Variants in ZNF385D observed in about 807,000 individuals in gnomAD.
The protein encoded by ZNF385D is zinc finger protein 659.
A neutral mutation model predicts 35.8 loss-of-function variants in ZNF385D; 15 were observed. The ratio of observed to expected loss-of-function variants is 0.42; its 90% CI spans 0.28 to 0.64. ZNF385D has a LOEUF of 0.64. Ranked by LOEUF, ZNF385D falls within the 30% of genes least tolerant of loss-of-function variation. The pLI is 0.23. For missense variants in ZNF385D, 474 were observed against 494.6 expected (o/e 0.96, Z 0.39); for synonymous variants, 212 against 186.8 (o/e 1.13, Z -1.10).
intron 2 of ZNF385D, among the ~76,000 whole-genome samples, chr3:21,649,183 A>G (rs1234999656): frequency 6.6e-6 from 1 of 152,158 alleles, no homozygotes; most frequent in Non-Finnish European, 1.5e-5. Flanking sequence ...TACTATAACA[A>G]TAATATGAAT....
intron 2 of ZNF385D, among the ~76,000 whole-genome samples, chr3:22,290,293 TGCTCTCCTC>T (rs1287377073): frequency 6.6e-6 from 1 of 152,152 alleles, no homozygotes; most frequent in Non-Finnish European, 1.5e-5. Flanking sequence ...TCAATATGAA[TGCTCTCCTC>T]AGACCACACC....
intron 2 of ZNF385D, among the ~76,000 whole-genome samples, chr3:22,282,742 G>T (rs1701829004): frequency 6.6e-6 from 1 of 151,768 alleles, no homozygotes; most frequent in African/African-American, 2.4e-5. Context: ...TCCTTAAAGG[G>T]TAAATCTCAC....
chr3:22,226,588 AAC>A (rs1698570174), intron 2 of ZNF385D, among the ~76,000 whole-genome samples: 1 of 152,198 alleles, frequency 6.6e-6, no homozygotes. Flanking sequence ...CCTGTGATTA[AAC>A]TTACCAGGCA....
chr3:21,730,372 T>A (rs1180119629), intron 1 of ZNF385D, among the ~76,000 whole-genome samples: 1 of 152,234 alleles, frequency 6.6e-6, no homozygotes. Context: ...AAGAACTATG[T>A]GGGAAGCTTT....
At chr3:21,557,184 A>G (rs2125620616) in intron 3 of ZNF385D, among the ~76,000 whole-genome samples, 1 of 152,326 alleles carries the variant, frequency 6.6e-6, no homozygotes, top group Middle Eastern at 3.4e-3. Flanking sequence ...TCCCCTGGCC[A>G]GAACTTCCGA....
chr3:21,635,623 T>C (rs546289884), intron 2 of ZNF385D, among the ~76,000 whole-genome samples: 3 of 152,144 alleles, frequency 2.0e-5, no homozygotes, highest in African/African-American at 7.2e-5. Flanking sequence ...ACATAAGTTC[T>C]TTAGTAGTGA....
intron 2 of ZNF385D, among the ~76,000 whole-genome samples, chr3:21,636,638 C>T (rs138872909): frequency 6.6e-6 from 1 of 151,692 alleles, no homozygotes. Flanking sequence ...TCTGGCCACA[C>T]TGGCAGCTGA....
chr3:21,837,031 G>T (rs1484587898), intron 3 of ZNF385D, among the ~76,000 whole-genome samples: 1 of 152,002 alleles, frequency 6.6e-6, no homozygotes, highest in African/African-American at 2.4e-5. Flanking sequence ...TCATAAAAGG[G>T]CTGTAAAAAA....
chr3:21,821,689 G>A (rs1694242060), intron 3 of ZNF385D, among the ~76,000 whole-genome samples: 1 of 152,180 alleles, frequency 6.6e-6, no homozygotes, highest in Admixed American at 6.5e-5. Flanking sequence ...TTGGCTAGGT[G>A]TGGTGGCTCG....
rs1026652900 is a variant in ZNF385D at position 22,138,521 on chromosome 3, C to A, written c.325+30296G>T. ...CCTCAGAAATAATGCCACATATCTA[C>A]AACTATCTGATCTTTGACAAACCTG... is the stretch of plus-strand genomic sequence containing the variant. On this transcript the variant is annotated intron_variant, in intron 3 of 5. Coordinates refer to the ZNF385D transcript ENST00000494108. Among the ~76,000 whole-genome samples, 816 of 151,714 alleles carry A rather than the reference C, an allele frequency of 5.4e-3. 4 individuals carry two copies. Among genetic ancestry groups the A allele is most frequent in the African/African-American group, 0.018 (725 of 41,280 alleles).
intron 2 of ZNF385D, among the ~76,000 whole-genome samples, chr3:22,332,262 G>C (rs1432938151): frequency 6.6e-6 from 1 of 152,074 alleles, no homozygotes; most frequent in Non-Finnish European, 1.5e-5. Flanking sequence ...TGCAGAACTA[G>C]AACTACGGTA....
At chr3:22,321,046 C>G (rs1336525557) in intron 2 of ZNF385D, among the ~76,000 whole-genome samples, 4 of 151,672 alleles carry the variant, frequency 2.6e-5, no homozygotes, top group Non-Finnish European at 4.4e-5. Context: ...ATGCAAGCTC[C>G]TAATTTTTAC....
intron 3 of ZNF385D, among the ~76,000 whole-genome samples, chr3:22,049,153 T>G (rs1425070687): frequency 6.6e-6 from 1 of 151,668 alleles, no homozygotes; most frequent in Non-Finnish European, 1.5e-5. Flanking sequence ...AAAAATTAGC[T>G]GGGCATGGTG....
At chr3:21,936,870 G>T (rs1434467493) in intron 3 of ZNF385D, among the ~76,000 whole-genome samples, 2 of 152,078 alleles carry the variant, frequency 1.3e-5, no homozygotes, top group Non-Finnish European at 2.9e-5. Flanking sequence ...GAAATTAAAG[G>T]TTAGGAATAG....
intron 3 of ZNF385D, among the ~76,000 whole-genome samples, chr3:21,795,664 G>A (rs1459905502): frequency 6.6e-6 from 1 of 152,022 alleles, no homozygotes. Context: ...ATAAAGAAGG[G>A]GACAGAATGT....
chr3:21,968,840 G>C (rs1366737998), intron 3 of ZNF385D, among the ~76,000 whole-genome samples: 2 of 152,062 alleles, frequency 1.3e-5, no homozygotes, highest in Non-Finnish European at 2.9e-5. Flanking sequence ...AAGGAAAGGA[G>C]AAAAAAAGTA....
At chr3:22,181,732 G>A (rs1695291278) in intron 2 of ZNF385D, among the ~76,000 whole-genome samples, 1 of 151,340 alleles carries the variant, frequency 6.6e-6, no homozygotes, top group African/African-American at 2.4e-5. Context: ...TGGTAAAGGT[G>A]ATGGGATATA....
chr3:21,941,568 G>A (rs921837063), intron 3 of ZNF385D, among the ~76,000 whole-genome samples: 1 of 137,586 alleles, frequency 7.3e-6, no homozygotes, highest in Non-Finnish European at 1.5e-5. Context: ...CATGATCTCG[G>A]CTCACTGCAA....
Position 22,192,060 on chromosome 3 carries a change from C to T in ZNF385D, c.107-23025G>A, listed in dbSNP as rs573971844. Reference sequence around the variant, plus strand: ...TGGCTCCATCATTCATCTCTTTCTCCATCCCACTTACTCAAGTGATTCTTT... The same window carrying T: ...TGGCTCCATCATTCATCTCTTTCTCTATCCCACTTACTCAAGTGATTCTTT... On this transcript the variant is annotated intron_variant, in intron 2 of 5. Transcript: ENST00000494108. Among the ~76,000 whole-genome samples the T allele has an allele frequency of 3.3e-5, 5 of 152,252 alleles. No individual in the cohort carries two copies. In the South Asian group the frequency reaches 1.0e-3, roughly 32 times the overall value.
Sources: gnomAD v4.1 joint callset for allele counts (sites outside exome capture counted in the v4.1 genomes callset) on GRCh38, gnomAD v4.1.1 for gene constraint, MANE v1.5 for transcripts, NCBI Gene and HGNC (gene_info 2026-07-23, HGNC 2026-07-21) for gene names.